The following TNS1 variants were observed in gnomAD, a reference collection of about 807,000 sequenced individuals.
The protein encoded by TNS1 is tensin-1.
Under a neutral mutation model 168.6 loss-of-function variants are expected in TNS1, and 62 were observed. The ratio of observed to expected loss-of-function variants is 0.37; its 90% CI spans 0.30 to 0.45. TNS1 has a LOEUF of 0.45. Ranked by LOEUF, TNS1 falls within the 20% of genes least tolerant of loss-of-function variation. The pLI is 1.00. For synonymous variants in TNS1, 934 were observed against 933.2 expected (o/e 1.00, Z -0.02); for missense variants, 2,240 against 2,339.4 (o/e 0.96, Z 0.88).
intron 3 of TNS1, among the ~76,000 whole-genome samples, chr2:217,940,170 C>T (rs763391035): frequency 2.6e-5 from 4 of 152,154 alleles, no homozygotes; most frequent in African/African-American, 7.2e-5. Context: ...AGCTATTGAG[C>T]GAGGGGCCAT....
Position 217,880,963 on chromosome 2 carries a change from G to A in TNS1, c.1364C>T (p.Ser455Phe). 2 of 1,614,116 alleles carry A rather than the reference G, an allele frequency of 1.2e-6. No homozygotes were observed. The highest frequency in any genetic ancestry group is 1.3e-5 in the African/African-American group (1 of 75,026). The stretch of plus-strand genomic sequence containing the variant: ...GGAGTCCCAGCGGATGAGGGGGTCG[G>A]AGGTGTTATAGTCCACAGACACGCT... ...GPSVSVDYNTSDPLIRWDSYD... is the reference protein window; with the variant it reads ...GPSVSVDYNTFDPLIRWDSYD... The change falls in exon 18 of 33, where the codon TCC becomes TTC. Residue 455 changes from serine (S) to phenylalanine (F), a missense_variant. Physicochemically the swap from Ser to Phe is radical, Grantham distance 155. Around this residue, in one of 2 missense-constraint regions of TNS1, gnomAD observed 2,131 missense variants for 2,171.2 expected, o/e 0.98. Transcript: ENST00000682258. This position sits in a 1 kb window ranked among gnomAD's most constrained non-coding sequence, Gnocchi z 4.2.
intron 1 of TNS1, among the ~76,000 whole-genome samples, chr2:218,031,563 G>C (rs1409273133): frequency 4.6e-5 from 6 of 130,478 alleles, no homozygotes; most frequent in African/African-American, 2.5e-4. Flanking sequence ...GTATGTGTGT[G>C]TCTGTGTGTG....
Position 217,820,383 on chromosome 2 carries a change from G to A in TNS1, c.3572+1357C>T, listed in dbSNP as rs565177728. The stretch of plus-strand genomic sequence containing the variant: ...GCCAGAGTCAGGCCTCCTGAGCAAC[G>A]CAGGCTGCTGCCTGTTAAGAGGCTG... On this transcript the variant is annotated intron_variant, in intron 23 of 32. Coordinates refer to ENST00000682258, the MANE Select transcript of TNS1 (RefSeq NM_001387777.1). 4.1e-4 allele frequency among the ~76,000 whole-genome samples: 62 copies of A among 152,304 alleles called. 1 individual carries two copies. The Middle Eastern group carries it at 0.01, about 25-fold the overall frequency.
chr2:217,848,167 GC>G lies in TNS1; in HGVS notation c.2349del (p.Gln783HisfsTer19). The G allele has an allele frequency of 6.3e-7, 1 of 1,587,576 alleles. No individual in the cohort carries two copies. On this transcript the variant is annotated frameshift_variant, in exon 19 of 33. Coordinates refer to ENST00000682258, the MANE Select transcript of TNS1 (RefSeq NM_001387777.1). LOFTEE classifies it high-confidence loss of function. Reference sequence around the variant, plus strand: ...TGCTGGCGTGGAGGTGGGCGAGGCTGCTGCTGCTGCTGCTGCTGCTGCTGCC... The same window carrying G: ...TGCTGGCGTGGAGGTGGGCGAGGCTGTGCTGCTGCTGCTGCTGCTGCTGCC... Reference protein sequence around the residue: ...NSWQQQQQQQQQPRPPPRQQE... With the variant: ...NSWQQQQQQQXQPRPPPRQQE...
intron 4 of TNS1, among the ~76,000 whole-genome samples, chr2:217,912,404 T>G (rs1461568722): frequency 2.0e-5 from 3 of 151,770 alleles, no homozygotes; most frequent in Non-Finnish European, 4.4e-5. Flanking sequence ...ACCCTCCAAC[T>G]CTCCCGACTC....
At chr2:217,956,501 G>C (rs796793200) in intron 3 of TNS1, among the ~76,000 whole-genome samples, 1 of 152,172 alleles carries the variant, frequency 6.6e-6, no homozygotes, top group East Asian at 1.9e-4. Flanking sequence ...GCAAGGCTGC[G>C]GGGAGAGGAT....
At chr2:217,819,919 C>A (rs1228280401) in intron 23 of TNS1, among the ~76,000 whole-genome samples, 1 of 152,138 alleles carries the variant, frequency 6.6e-6, no homozygotes, top group South Asian at 2.1e-4. Context: ...CTGGCCCTCC[C>A]TGGGCCAGGC....
chr2:218,017,409 C>T (rs370709274), intron 1 of TNS1, among the ~76,000 whole-genome samples: 13 of 152,358 alleles, frequency 8.5e-5, no homozygotes, highest in African/African-American at 3.1e-4. Flanking sequence ...CCTGCCAGCC[C>T]TGTGGATGGA....
Position 217,799,802 on chromosome 2 carries a change from A to G in TNS1, c.*4657T>C, listed in dbSNP as rs150814497. 1 of 152,280 alleles carries G rather than the reference A, an allele frequency of 6.6e-6. No homozygotes were observed. The highest frequency in any genetic ancestry group is 1.5e-5 in the Non-Finnish European group (1 of 68,022). The allele number at this position is 152,280 out of a possible 1,614,324, so 9.4% of individuals were successfully genotyped here. On this transcript the variant is annotated 3_prime_UTR_variant, in exon 33 of 33. Transcript: ENST00000682258. The stretch of plus-strand genomic sequence containing the variant: ...TAGATAACGGCACAGAGTTTTCTTT[A>G]ACTTTATCATTTATAAAGCCATACA...
intron 18 of TNS1, among the ~76,000 whole-genome samples, chr2:217,857,475 G>A (rs1296772214): frequency 1.3e-5 from 2 of 152,178 alleles, no homozygotes; most frequent in Admixed American, 1.3e-4. Flanking sequence ...TATGTCTGTG[G>A]ACCCAGAACC....
chr2:217,887,590 G>T (rs1951332140), intron 12 of TNS1, among the ~76,000 whole-genome samples: 1 of 152,192 alleles, frequency 6.6e-6, no homozygotes, highest in Non-Finnish European at 1.5e-5. Context: ...TTACAGGTGT[G>T]AGCCACCGCA....
intron 3 of TNS1, among the ~76,000 whole-genome samples, chr2:217,969,210 A>G (rs1381094927): frequency 6.6e-6 from 1 of 152,234 alleles, no homozygotes; most frequent in African/African-American, 2.4e-5. Context: ...TGATGCCAAG[A>G]TCATTCAGTG....
chr2:218,022,253 T>C (rs58658206), intron 1 of TNS1, among the ~76,000 whole-genome samples: 1,763 of 151,980 alleles, frequency 0.012, 30 homozygotes, highest in African/African-American at 0.04. Context: ...GAGGTAACGA[T>C]GGTGACAGCC....
intron 1 of TNS1, among the ~76,000 whole-genome samples, chr2:218,016,522 GAGA>G (rs1195828490): frequency 6.6e-6 from 1 of 152,210 alleles, no homozygotes; most frequent in African/African-American, 2.4e-5. Context: ...ACTGCAGTGT[GAGA>G]AGGAGTCTGG....
In TNS1 at chr2:218,019,323, C is replaced by T. The variant is rs115891466; in HGVS notation, c.156+14497G>A. Among the ~76,000 whole-genome samples the T allele has an allele frequency of 6.1e-3, 934 of 152,296 alleles. 6 individuals are homozygous for T. Among genetic ancestry groups the T allele is most frequent in the Non-Finnish European group, 0.011 (729 of 68,014 alleles). The stretch of plus-strand genomic sequence containing the variant: ...CTGACCATTCGTGGACACCAAATGA[C>T]GGTGCTGACATGCAAACTGGATGCA... On this transcript the variant is annotated intron_variant, in intron 1 of 1. Coordinates refer to the TNS1 transcript ENST00000649572.
rs779642261 is a variant in TNS1 at position 217,849,015 on chromosome 2, T to C, written c.1502A>G (p.His501Arg). 2 of 1,613,872 alleles carry C rather than the reference T, an allele frequency of 1.2e-6. No individual in the cohort carries two copies. The highest frequency in any genetic ancestry group is 1.7e-6 in the Non-Finnish European group (2 of 1,179,972). The part of the protein sequence containing the change: ...YAKVKKKDSL[H>R]GSTGAVNATR... ...GGCATTAACAGCCCCGGTGCTGCCG[T>C]GCAGGGAGTCTTTCTTCTTCACCTT... The change falls in exon 19 of 33, where the codon CAC (histidine) becomes CGC (arginine). Residue 501 changes from histidine (H) to arginine (R), a missense_variant. Around this residue, in one of 2 missense-constraint regions of TNS1, gnomAD observed 2,131 missense variants for 2,171.2 expected, o/e 0.98. Coordinates refer to ENST00000682258, the MANE Select transcript of TNS1 (RefSeq NM_001387777.1).
At chr2:217,863,157 G>A (rs1238745524) in intron 18 of TNS1, among the ~76,000 whole-genome samples, 1 of 152,188 alleles carries the variant, frequency 6.6e-6, no homozygotes, top group Non-Finnish European at 1.5e-5. Context: ...CAGAATGGCT[G>A]AGTGCTTTGG....
intron 1 of TNS1, among the ~76,000 whole-genome samples, chr2:218,027,112 A>AAC (rs149386054): frequency 5.7e-4 from 86 of 150,716 alleles, no homozygotes; most frequent in African/African-American, 1.2e-3. Flanking sequence ...CCACCCCACA[A>AAC]ACACACACAC....
intron 1 of TNS1, among the ~76,000 whole-genome samples, chr2:218,025,601 C>G (rs1958843772): frequency 6.6e-6 from 1 of 152,160 alleles, no homozygotes; most frequent in African/African-American, 2.4e-5. Flanking sequence ...GCCAGACCCC[C>G]CCACAGGCTT....
Sources: allele counts gnomAD v4.1 joint callset (sites outside exome capture counted in the v4.1 genomes callset), GRCh38; gene constraint gnomAD v4.1.1; regional missense constraint gnomAD v4.1.1; non-coding constraint Gnocchi (gnomAD v3.1); transcripts MANE v1.5; gene names NCBI Gene and HGNC (gene_info 2026-07-23, HGNC 2026-07-21).